POM121: variants seen among roughly 807,000 people sequenced by gnomAD.
POM121 encodes POM121 transmembrane nucleoporin, also known as nuclear envelope pore membrane protein POM 121.
Under a neutral mutation model 81.3 loss-of-function variants are expected in POM121, and 32 were observed. The observed-to-expected ratio is 0.39, with a 90% CI of 0.30 to 0.53. The LOEUF (loss-of-function observed/expected upper bound fraction) is 0.53. Among genes scored for constraint, POM121 ranks in the 20% least tolerant of loss-of-function variants. POM121 has a pLI of 0.66. For missense variants in POM121, 1,138 were observed against 1,614.6 expected, an observed-to-expected ratio of 0.70 and a Z score of 5.06; for synonymous variants, 514 against 694.2, an observed-to-expected ratio of 0.74 and a Z score of 4.08.
chr7:72,943,352 C>A lies in POM121; in HGVS notation c.3359C>A (p.Ser1120Tyr), dbSNP rs782742184. Residue 1120 changes from serine to tyrosine, a missense_variant, in exon 11 of 13, where the codon TCC becomes TAC. Ser to Tyr is a moderately radical substitution (Grantham distance 144, BLOSUM62 -2). Around this residue, in one of 7 missense-constraint regions of POM121, gnomAD observed 336 missense variants for 344.3 expected, o/e 0.98. Transcript: ENST00000434423. ...GGGATCAATGTGGCCACCCCAGGCT[C>A]CAGCACCACCACCGGAGCTTTCAGC... ...SFGINVATPG[S>Y]STTTGAFSFG... 6.2e-6 allele frequency: 10 copies of A among 1,612,624 alleles called. No homozygotes were observed. The highest frequency in any genetic ancestry group is 7.6e-6 in the Non-Finnish European group (9 of 1,179,566).
chr7:72,927,576 G>A (rs1795587555), intron 3 of POM121, among the ~76,000 whole-genome samples: 1 of 152,144 alleles, frequency 6.6e-6, no homozygotes, highest in East Asian at 1.9e-4. Flanking sequence ...TGGATGTGGT[G>A]GTGGGCGCCT....
chr7:72,925,069 G>T, upstream of POM121: 1 of 1,357,448 alleles, frequency 7.4e-7, no homozygotes, highest in Non-Finnish European at 9.4e-7. Flanking sequence ...GACGCGACGC[G>T]CGGCGCGGTG....
At chr7:72,945,779 G>A in intron 12 of POM121, 71 bp downstream of exon 12, 2 of 1,540,408 alleles carry the variant, frequency 1.3e-6, no homozygotes, top group Non-Finnish European at 1.8e-6. Flanking sequence ...GCAGGTTCCT[G>A]GTCCTCTGAG....
chr7:72,920,031 A>G (rs1794653544), intron 4 of POM121, among the ~76,000 whole-genome samples: 13 of 151,870 alleles, frequency 8.6e-5, no homozygotes, highest in Admixed American at 8.5e-4. Flanking sequence ...TTTTCTTTGT[A>G]TTTCTTGTAC....
At chr7:72,894,800 G>A (rs1322330673) in intron 3 of POM121, among the ~76,000 whole-genome samples, 3 of 152,014 alleles carry the variant, frequency 2.0e-5, no homozygotes, top group Non-Finnish European at 4.4e-5. Flanking sequence ...GGCACTACAG[G>A]TGCGCACAGC....
exon 2 of POM121, chr7:72,890,686 G>A: frequency 1.2e-6 from 2 of 1,601,540 alleles, no homozygotes; most frequent in South Asian, 2.2e-5. Context: ...GGTGGCAACT[G>A]GACCCTGATG....
intron 5 of POM121, among the ~76,000 whole-genome samples, chr7:72,933,038 T>G: frequency 6.9e-6 from 1 of 145,492 alleles, no homozygotes; most frequent in Admixed American, 6.9e-5. Context: ...GGCGACAGAG[T>G]GAGACTCTGT....
chr7:72,950,204 G>A (rs1196853405), downstream of POM121: 1 of 1,608,496 alleles, frequency 6.2e-7, no homozygotes, highest in Non-Finnish European at 8.5e-7. Context: ...AGGCTGCCAG[G>A]GAAGAACCAT....
chr7:72,923,636 G>A (rs1244142958), upstream of POM121, among the ~76,000 whole-genome samples: 1 of 105,718 alleles, frequency 9.5e-6, no homozygotes, highest in African/African-American at 3.9e-5. Flanking sequence ...GTCTCGCTCT[G>A]TCGCCCAGGC....
chr7:72,888,675 AGTGTGTGTGTGT>A (rs57062510), intron 1 of POM121, among the ~76,000 whole-genome samples: 31 of 143,434 alleles, frequency 2.2e-4, no homozygotes, highest in Admixed American at 5.6e-4. Context: ...GAGGCATAAG[AGTGTGTGTGTGT>A]GTGTGTGTGT....
In POM121 at chr7:72,897,983, C is replaced by T. The variant is rs551597988; in HGVS notation, c.-216+6873C>T. ...GCAGTGAGCTGTGATCACGCCACTG[C>T]ACTCCAGCCTGGGCAACAGAGCAAG... On this transcript the variant is annotated intron_variant, in intron 3 of 15. Coordinates refer to the POM121 transcript ENST00000395270. Among the ~76,000 whole-genome samples the T allele has an allele frequency of 3.2e-3, 483 of 152,224 alleles. 2 individuals carry two copies. Among genetic ancestry groups the T allele is most frequent in the African/African-American group, 0.011 (464 of 41,532 alleles).
At chr7:72,885,793 G>T (rs1228851860) in intron 1 of POM121, among the ~76,000 whole-genome samples, 6 of 149,526 alleles carry the variant, frequency 4.0e-5, no homozygotes, top group Non-Finnish European at 8.9e-5. Flanking sequence ...AAACGAGTTA[G>T]GTTATAGTCC....
At chr7:72,908,046 T>C (rs1368494297) in intron 3 of POM121, among the ~76,000 whole-genome samples, 1 of 152,252 alleles carries the variant, frequency 6.6e-6, no homozygotes, top group African/African-American at 2.4e-5. Context: ...TTTTTTTCTC[T>C]GTTGTATCTC....
chr7:72,933,001 G>C (rs1184145173), intron 5 of POM121, among the ~76,000 whole-genome samples: 3 of 151,166 alleles, frequency 2.0e-5, no homozygotes, highest in African/African-American at 7.3e-5. Context: ...GCAGTGAGCA[G>C]AGATAGCGCC....
chr7:72,938,536 A>T (rs1796743420), intron 5 of POM121, 54 bp from the exon 6 acceptor site: 14 of 1,547,328 alleles, frequency 9.0e-6, no homozygotes, highest in Non-Finnish European at 1.3e-5. Context: ...TGTCGTGTTG[A>T]GGGTCAGATG....
chr7:72,919,136 C>T (rs1222582391), intron 4 of POM121, among the ~76,000 whole-genome samples: 2 of 151,532 alleles, frequency 1.3e-5, no homozygotes, highest in Admixed American at 1.3e-4. Context: ...GAACTCCTGA[C>T]CTCAGGTGAT....
chr7:72,930,068 A>G lies in POM121; in HGVS notation c.1232A>G (p.Asn411Ser), dbSNP rs536484174. 1.2e-5 allele frequency: 19 copies of G among 1,613,942 alleles called. No individual in the cohort carries two copies. The highest frequency in any genetic ancestry group is 3.3e-5 in the Admixed American group (2 of 60,016). ...AGTGGCATCCCTAGCTCCAGCCGCA[A>G]TGCCATTACCAGTTCCTACAGCTCC... ...YASGIPSSSR[N>S]AITSSYSSTR... Residue 411 changes from asparagine to serine, a missense_variant, in exon 5 of 13, where the codon AAT becomes AGT. Asn to Ser is a conservative substitution (Grantham distance 46). This residue lies in a region of POM121 where 646 missense variants were observed against 633.5 expected (regional missense o/e 1.02). Coordinates refer to ENST00000434423, the MANE Select transcript of POM121 (RefSeq NM_001387691.1).
At chr7:72,904,958 T>G (rs1428920485) in intron 3 of POM121, among the ~76,000 whole-genome samples, 3 of 152,166 alleles carry the variant, frequency 2.0e-5, no homozygotes, top group Non-Finnish European at 4.4e-5. Flanking sequence ...CACCATGGGG[T>G]GAACCGCGCC....
At chr7:72,907,828 G>A (rs113288320) in intron 3 of POM121, among the ~76,000 whole-genome samples, 17 of 152,044 alleles carry the variant, frequency 1.1e-4, no homozygotes, top group Middle Eastern at 3.4e-3. Context: ...ATGTTTTTTG[G>A]GCACTGCACT....
Sources: allele counts gnomAD v4.1 joint callset (sites outside exome capture counted in the v4.1 genomes callset), GRCh38; gene constraint gnomAD v4.1.1; regional missense constraint gnomAD v4.1.1; transcripts MANE v1.5; gene names NCBI Gene and HGNC (gene_info 2026-07-23, HGNC 2026-07-21).